Variants in TXLNG observed in about 807,000 individuals in gnomAD.
TXLNG encodes gamma-taxilin.
Under a neutral mutation model 38.8 loss-of-function variants are expected in TXLNG, and 5 were observed. That is an observed-to-expected ratio of 0.13 (90% confidence interval 0.07 to 0.27). The LOEUF (loss-of-function observed/expected upper bound fraction) is 0.27, where lower values mean the gene tolerates loss of function less well. TXLNG is among the 10% of genes least tolerant of loss of function. The pLI, the probability that TXLNG is intolerant of heterozygous loss-of-function variation, is 1.00. For missense variants in TXLNG, 393 were observed against 398.2 expected, an observed-to-expected ratio of 0.99 and a Z score of 0.11; for synonymous variants, 182 against 158.2, an observed-to-expected ratio of 1.15 and a Z score of -1.13.
intron 5 of TXLNG, among the ~76,000 whole-genome samples, chrX:16,831,499 C>A (rs1929411544): frequency 8.9e-6 from 1 of 112,631 alleles, no homozygotes; most frequent in African/African-American, 3.2e-5. Context: ...CAAAGAAAGT[C>A]CATTTCACTG....
At chrX:16,812,463 G>C (rs1359811616) in intron 1 of TXLNG, among the ~76,000 whole-genome samples, 1 of 103,014 alleles carries the variant, frequency 9.7e-6, no homozygotes, top group Non-Finnish European at 2.0e-5. Context: ...GCGCGATCTC[G>C]GCTCACTGCA....
intron 1 of TXLNG, among the ~76,000 whole-genome samples, chrX:16,804,985 C>CT (rs35314233): frequency 0.057 from 123 of 2,150 alleles, 4 homozygotes; most frequent in African/African-American, 0.19. Context: ...CCCCCCCCCG[C>CT]TTTTTTTTTT....
At chrX:16,835,725 G>A (rs1929570683) in intron 7 of TXLNG, among the ~76,000 whole-genome samples, 1 of 111,992 alleles carries the variant, frequency 8.9e-6, no homozygotes. Flanking sequence ...TTCCTTTGCT[G>A]TCACCTCTTG....
intron 1 of TXLNG, among the ~76,000 whole-genome samples, chrX:16,815,576 C>T (rs571937234): frequency 2.7e-5 from 3 of 110,907 alleles, no homozygotes; most frequent in South Asian, 3.8e-4. Context: ...GGCTGGAGTA[C>T]AGTGGTGCGA....
At chrX:16,797,846 A>T (rs775014796) in intron 1 of TXLNG, among the ~76,000 whole-genome samples, 1 of 112,746 alleles carries the variant, frequency 8.9e-6, no homozygotes, top group East Asian at 2.8e-4. Flanking sequence ...GTAACATTTT[A>T]AAAAAATTAA....
chrX:16,808,895 G>C (rs1928415365), intron 1 of TXLNG, among the ~76,000 whole-genome samples: 1 of 111,385 alleles, frequency 9.0e-6, no homozygotes, highest in African/African-American at 3.3e-5. Context: ...AGGAAAAACT[G>C]GTAAGAAATG....
chrX:16,820,341 G>T, intron 3 of TXLNG, 86 bp downstream of exon 3: 1 of 679,249 alleles, frequency 1.5e-6, no homozygotes, highest in South Asian at 3.1e-5. Context: ...GTACAAATTT[G>T]ATATGGCCTT....
At chrX:16,793,595 A>C (rs1410679652) in intron 1 of TXLNG, among the ~76,000 whole-genome samples, 4 of 109,369 alleles carry the variant, frequency 3.7e-5, no homozygotes, top group African/African-American at 1.0e-4. Flanking sequence ...GGTCTTTTGG[A>C]TTGCAAAATG....
At chrX:16,804,977 C>G (rs1388238625) in intron 1 of TXLNG, among the ~76,000 whole-genome samples, 4 of 8,237 alleles carry the variant, frequency 4.9e-4, no homozygotes, top group African/African-American at 8.9e-4. Flanking sequence ...GCCCACCCCC[C>G]CCCCCCGCTT....
chrX:16,826,614 A>G (rs1408506897), intron 3 of TXLNG, among the ~76,000 whole-genome samples: 2 of 111,301 alleles, frequency 1.8e-5, no homozygotes, highest in African/African-American at 6.5e-5. Context: ...ACTTGATGGT[A>G]TCGACTCCTA....
At position 16,834,280 on chromosome X, in the gene TXLNG, T is replaced by C. The variant is rs781368041; in HGVS notation, c.985-3T>C. The C allele has an allele frequency of 3.0e-5, 36 of 1,202,964 alleles. No individual in the cohort carries two copies. The South Asian group carries it at 6.1e-4, about 21-fold the overall frequency. ...ATTTTGCCAGAATGTTTCTGTTTTC[T>C]AGTTATTAAAAGAAGCGACAGAATC... is the stretch of plus-strand genomic sequence containing the variant. On this transcript the variant is annotated splice_polypyrimidine_tract_variant and splice_region_variant and intron_variant, in intron 6 of 9. Coordinates refer to ENST00000380122, the MANE Select transcript of TXLNG (RefSeq NM_018360.3).
At chrX:16,827,365 A>G (rs1489364988) in intron 3 of TXLNG, among the ~76,000 whole-genome samples, 1 of 111,647 alleles carries the variant, frequency 9.0e-6, no homozygotes, top group Admixed American at 9.6e-5. Context: ...TGGCTTTAGC[A>G]CTGAGTCACT....
At chrX:16,792,586 G>A (rs750587458) in intron 1 of TXLNG, among the ~76,000 whole-genome samples, 1 of 109,364 alleles carries the variant, frequency 9.1e-6, no homozygotes, top group African/African-American at 3.3e-5. Context: ...TTTGAGACCC[G>A]CTTGGGCAAC....
intron 1 of TXLNG, among the ~76,000 whole-genome samples, chrX:16,795,286 T>C (rs1487580690): frequency 9.0e-6 from 1 of 111,098 alleles, no homozygotes; most frequent in Non-Finnish European, 1.9e-5. Flanking sequence ...CAAAAAAAAA[T>C]AAAAATAATA....
intron 5 of TXLNG, 112 bp from the exon 6 acceptor site, chrX:16,832,511 T>C: frequency 3.0e-6 from 3 of 987,799 alleles, no homozygotes; most frequent in Non-Finnish European, 4.2e-6. Flanking sequence ...TTAGCTGCAG[T>C]GGTAGTAGCA....
chrX:16,840,492 G>A (rs1270639761), intron 9 of TXLNG: 1 of 749,978 alleles, frequency 1.3e-6, no homozygotes, highest in African/African-American at 2.3e-5. Context: ...CCTTGTTCTC[G>A]GCTGGGCACA....
intron 1 of TXLNG, among the ~76,000 whole-genome samples, chrX:16,791,532 CATATT>C (rs1927704823): frequency 8.9e-6 from 1 of 112,189 alleles, no homozygotes; most frequent in African/African-American, 3.2e-5. Context: ...ATTTTCATAT[CATATT>C]ATGTCATATT....
intron 5 of TXLNG, among the ~76,000 whole-genome samples, chrX:16,830,829 C>T (rs1215027677): frequency 1.0e-4 from 3 of 29,116 alleles, no homozygotes; most frequent in African/African-American, 6.8e-4. Flanking sequence ...AACCGTAATT[C>T]CGTGTGTGTG....
chrX:16,817,892 T>C (rs1312160982), intron 1 of TXLNG, among the ~76,000 whole-genome samples: 1 of 112,390 alleles, frequency 8.9e-6, no homozygotes, highest in African/African-American at 3.2e-5. Context: ...TTCCTGTATG[T>C]ACATAGGATA....
Sources: gnomAD v4.1 joint callset for allele counts (sites outside exome capture counted in the v4.1 genomes callset) on GRCh38, gnomAD v4.1.1 for gene constraint, MANE v1.5 for transcripts, NCBI Gene and HGNC (gene_info 2026-07-23, HGNC 2026-07-21) for gene names.